ANKFN1: variants seen among roughly 807,000 people sequenced by gnomAD.
ANKFN1 encodes the protein ankyrin repeat and fibronectin type-III domain-containing protein 1.
Under a neutral mutation model 108.7 loss-of-function variants are expected in ANKFN1, and 74 were observed. The observed-to-expected ratio is 0.68, with a 90% CI of 0.56 to 0.83. The LOEUF is 0.83. ANKFN1 is among the 40% of genes least tolerant of loss of function. The pLI is 0.00. For missense variants in ANKFN1, 1,505 were observed against 1,382.3 expected, an observed-to-expected ratio of 1.09 and a Z score of -1.41; for synonymous variants, 547 against 516.2, an observed-to-expected ratio of 1.06 and a Z score of -0.81.
At chr17:56,239,205 T>A (rs1917395639) in intron 3 of ANKFN1, among the ~76,000 whole-genome samples, 1 of 152,016 alleles carries the variant, frequency 6.6e-6, no homozygotes, top group Non-Finnish European at 1.5e-5. Context: ...TAGAAAAAAA[T>A]GTTTAGTTGC....
chr17:56,436,735 C>G (rs1482193493), intron 8 of ANKFN1, among the ~76,000 whole-genome samples: 1 of 150,798 alleles, frequency 6.6e-6, no homozygotes, highest in Admixed American at 6.7e-5. Context: ...GAGGCTGAGA[C>G]AGGAAAATCA....
chr17:56,304,135 T>G (rs2044750187), intron 3 of ANKFN1, among the ~76,000 whole-genome samples: 2 of 152,148 alleles, frequency 1.3e-5, no homozygotes, highest in Non-Finnish European at 2.9e-5. Flanking sequence ...CTTGCCATTT[T>G]ATGATCACAC....
At chr17:56,175,551 T>C (rs1212794861) in intron 1 of ANKFN1, among the ~76,000 whole-genome samples, 1 of 152,192 alleles carries the variant, frequency 6.6e-6, no homozygotes, top group Non-Finnish European at 1.5e-5. Flanking sequence ...AATGAGCAAC[T>C]CAGCTCATGA....
chr17:56,293,672 C>T (rs2044429304), intron 3 of ANKFN1, among the ~76,000 whole-genome samples: 1 of 152,210 alleles, frequency 6.6e-6, no homozygotes, highest in Non-Finnish European at 1.5e-5. Context: ...AGAACAGATG[C>T]TACCCAGGAG....
At chr17:56,140,841 T>C (rs1017278018) in intron 4 of ANKFN1, among the ~76,000 whole-genome samples, 2 of 152,346 alleles carry the variant, frequency 1.3e-5, no homozygotes, top group African/African-American at 2.4e-5. Flanking sequence ...ATCATAGATA[T>C]AACCTTTATC....
intron 8 of ANKFN1, among the ~76,000 whole-genome samples, chr17:56,421,291 C>A (rs1414924526): frequency 2.0e-5 from 3 of 152,132 alleles, no homozygotes; most frequent in African/African-American, 7.2e-5. Context: ...GAATGAGATG[C>A]CTCAATGAGG....
intron 8 of ANKFN1, among the ~76,000 whole-genome samples, chr17:56,423,370 C>T (rs994557288): frequency 2.0e-5 from 3 of 152,264 alleles, no homozygotes; most frequent in African/African-American, 7.2e-5. Flanking sequence ...AGAAGCAGCT[C>T]GCTGATTTGA....
chr17:56,337,727 A>C (rs2045852344), intron 4 of ANKFN1, among the ~76,000 whole-genome samples: 1 of 152,228 alleles, frequency 6.6e-6, no homozygotes, highest in Admixed American at 6.5e-5. Context: ...TGGTCATCAG[A>C]GAAATGCAAA....
chr17:56,130,981 A>C (rs1033202618), intron 4 of ANKFN1, among the ~76,000 whole-genome samples: 5 of 152,018 alleles, frequency 3.3e-5, no homozygotes, highest in Non-Finnish European at 5.9e-5. Flanking sequence ...TTACATTTTC[A>C]CAAAAGCAAA....
rs768905123 is a variant in ANKFN1, at chr17:56,440,380, G to C, written c.964G>C (p.Asp322His). The C allele has an allele frequency of 1.2e-6, 2 of 1,612,770 alleles. No individual in the cohort carries two copies. Among genetic ancestry groups the C allele is most frequent in the Non-Finnish European group, 1.7e-6 (2 of 1,179,152 alleles). Reference sequence around the variant, plus strand: ...TCCTTTGGCTGGAGAAATCATCATGGATAATCTGCAGACTCTGAGATGCAC... The same window carrying C: ...TCCTTTGGCTGGAGAAATCATCATGCATAATCTGCAGACTCTGAGATGCAC... ...FSPLAGEIIM[D>H]NLQTLRCTIT... The change falls in exon 9 of 21, where the codon GAT becomes CAT. Residue 322 changes from aspartate (D) to histidine (H), a missense_variant. Transcript: ENST00000682825.
chr17:56,084,755 T>G (rs1289940769), intron 4 of ANKFN1, among the ~76,000 whole-genome samples: 3 of 151,338 alleles, frequency 2.0e-5, no homozygotes, highest in African/African-American at 7.3e-5. Flanking sequence ...ATCTGAAACT[T>G]CCTTTCCAGG....
intron 8 of ANKFN1, among the ~76,000 whole-genome samples, chr17:56,381,024 T>A (rs560222179): frequency 2.4e-4 from 37 of 152,180 alleles, no homozygotes; most frequent in Non-Finnish European, 4.3e-4. Context: ...GCAGCCTAAC[T>A]GGGAGGCACC....
At chr17:56,501,333 C>A (rs1244296843) in intron 20 of ANKFN1, among the ~76,000 whole-genome samples, 1 of 152,170 alleles carries the variant, frequency 6.6e-6, no homozygotes, top group Non-Finnish European at 1.5e-5. Context: ...TTGATATAAT[C>A]TGATCTGTAA....
intron 1 of ANKFN1, among the ~76,000 whole-genome samples, chr17:56,205,003 G>A (rs1303260639): frequency 6.6e-6 from 1 of 152,178 alleles, no homozygotes; most frequent in Non-Finnish European, 1.5e-5. Context: ...GTGAACCCGG[G>A]AGGCGGAGCT....
chr17:56,266,753 G>T (rs2043662301), intron 3 of ANKFN1, among the ~76,000 whole-genome samples: 1 of 151,996 alleles, frequency 6.6e-6, no homozygotes, highest in Admixed American at 6.6e-5. Context: ...TCCCTTATAT[G>T]AAGAACCATG....
intron 4 of ANKFN1, among the ~76,000 whole-genome samples, chr17:56,330,923 A>AAT (rs1287372166): frequency 1.3e-5 from 2 of 152,150 alleles, no homozygotes; most frequent in African/African-American, 4.8e-5. Flanking sequence ...CTTATCACTT[A>AAT]ATATATATAC....
At chr17:56,411,233 G>C (rs918110374) in intron 8 of ANKFN1, among the ~76,000 whole-genome samples, 1 of 152,064 alleles carries the variant, frequency 6.6e-6, no homozygotes, top group Non-Finnish European at 1.5e-5. Context: ...TAGATTTACT[G>C]CTACATATTT....
At chr17:56,363,429 C>T (rs1039907162) in intron 6 of ANKFN1, among the ~76,000 whole-genome samples, 3 of 151,986 alleles carry the variant, frequency 2.0e-5, no homozygotes, top group Non-Finnish European at 2.9e-5. Flanking sequence ...AGATAAGTGT[C>T]GGTGAGGATG....
chr17:56,321,455 C>T (rs1245904405), intron 3 of ANKFN1, among the ~76,000 whole-genome samples: 1 of 143,888 alleles, frequency 6.9e-6, no homozygotes, highest in Non-Finnish European at 1.5e-5. Flanking sequence ...AAAAGGCACT[C>T]CCTAAGAAAA....
Sources: gnomAD v4.1 joint callset for allele counts (sites outside exome capture counted in the v4.1 genomes callset) on GRCh38, gnomAD v4.1.1 for gene constraint, MANE v1.5 for transcripts, NCBI Gene and HGNC (gene_info 2026-07-23, HGNC 2026-07-21) for gene names.